Variants in ABHD2 observed in about 807,000 individuals in gnomAD.
ABHD2 encodes monoacylglycerol lipase ABHD2.
A neutral mutation model predicts 48.1 loss-of-function variants in ABHD2; 20 were observed. That is an observed-to-expected ratio of 0.42 (90% CI 0.29 to 0.60). ABHD2 has a LOEUF of 0.60. Ranked by LOEUF, ABHD2 falls within the 20% of genes least tolerant of loss-of-function variation. The probability of loss-of-function intolerance (pLI) is 0.24; values close to 1 mark genes in which losing one functional copy is unlikely to be tolerated. For synonymous variants in ABHD2, 209 were observed against 214.2 expected (o/e 0.98, Z 0.21); for missense variants, 405 against 550.9 (o/e 0.74, Z 2.65).
chr15:89,074,810 G>A, the ABHD2 span, among the ~76,000 whole-genome samples: 1 of 152,160 alleles, frequency 6.6e-6, no homozygotes, highest in East Asian at 1.9e-4. Context: ...ACTTCCACTA[G>A]CTCTTCCCTA....
the ABHD2 span, among the ~76,000 whole-genome samples, chr15:89,052,146 T>C: frequency 1.3e-5 from 2 of 152,180 alleles, no homozygotes; most frequent in African/African-American, 2.4e-5. Flanking sequence ...AGGTTACTCA[T>C]AGCATTACTT....
upstream of ABHD2, among the ~76,000 whole-genome samples, chr15:89,085,123 T>G (rs114529874): frequency 6.7e-3 from 1,018 of 152,304 alleles, 7 homozygotes; most frequent in East Asian, 0.049. The surrounding 1 kb of genome is among the most constrained non-coding windows in gnomAD (Gnocchi z 4.2). Context: ...CTCAGGTTAG[T>G]AAATCCTGCA....
chr15:89,183,579 A>G (rs981365914), intron 6 of ABHD2, among the ~76,000 whole-genome samples: 43 of 151,990 alleles, frequency 2.8e-4, no homozygotes, highest in African/African-American at 9.6e-4. Flanking sequence ...AAACAGTGGA[A>G]TACTGGTCCC....
chr15:89,093,380 A>T (rs927793358), intron 1 of ABHD2, among the ~76,000 whole-genome samples: 1 of 151,896 alleles, frequency 6.6e-6, no homozygotes, highest in African/African-American at 2.4e-5. Flanking sequence ...GGGTTTCACT[A>T]TGCTGGTCTC....
the ABHD2 span, among the ~76,000 whole-genome samples, chr15:89,043,157 C>A: frequency 6.6e-6 from 1 of 152,208 alleles, no homozygotes; most frequent in African/African-American, 2.4e-5. Context: ...ACCAACAGGG[C>A]TGTGGAGAAG....
intron 5 of ABHD2, among the ~76,000 whole-genome samples, chr15:89,157,383 A>G (rs1596127460): frequency 6.6e-6 from 1 of 152,256 alleles, no homozygotes; most frequent in East Asian, 1.9e-4. Context: ...AAGGGCAGGT[A>G]AGGGAAGGTC....
chr15:89,100,499 T>TGTACATCTACA lies in ABHD2; in HGVS notation c.-107+11938_-107+11948dup, dbSNP rs2049684332. Reference sequence around the variant, plus strand: ...AGTAGCCTCTCTACCCCACCACCAATGTACATCTACAGAAAGCATCTCAAT... The same window carrying TGTACATCTACA: ...AGTAGCCTCTCTACCCCACCACCAATGTACATCTACAGTACATCTACAGAAAGCATCTCAAT... On this transcript the variant is annotated intron_variant, in intron 1 of 10. Coordinates refer to ENST00000352732, the MANE Select transcript of ABHD2 (RefSeq NM_152924.5). The surrounding 1 kb of genome is among the most constrained non-coding windows in gnomAD (Gnocchi z 4.4). Among the ~76,000 whole-genome samples the TGTACATCTACA allele has an allele frequency of 6.6e-6, 1 of 152,122 alleles. No homozygotes were observed. The highest frequency in any genetic ancestry group is 1.5e-5 in the Non-Finnish European group (1 of 68,014).
chr15:89,156,115 C>CTTTTTTTTTTTTTTTTTTTTTTTTTT (rs1185978751), intron 5 of ABHD2, among the ~76,000 whole-genome samples: 1 of 85,660 alleles, frequency 1.2e-5, no homozygotes, highest in African/African-American at 4.7e-5. Flanking sequence ...TTTTTATTGT[C>CTTTTTTTTTTTTTTTTTTTTTTTTTT]TTTTTTTTTT....
chr15:89,064,473 C>G, the ABHD2 span, among the ~76,000 whole-genome samples: 3 of 151,974 alleles, frequency 2.0e-5, no homozygotes, highest in African/African-American at 7.2e-5. Context: ...TGTGATCCGC[C>G]CACCTCGGCC....
chr15:89,141,610 G>A (rs2050404136), intron 3 of ABHD2, among the ~76,000 whole-genome samples: 1 of 151,992 alleles, frequency 6.6e-6, no homozygotes, highest in African/African-American at 2.4e-5. Flanking sequence ...TCCAGCCTGG[G>A]CAACTCTGTC....
At position 89,179,458 on chromosome 15, in the gene ABHD2, G is replaced by T. The variant is rs577609062; in HGVS notation, c.722+3463G>T. ...GAACTGCGCATGTGAGGGATAGTTTGCATCTTCTTATGAGAATCTAATATC... is the reference window on the plus strand; with the variant it reads ...GAACTGCGCATGTGAGGGATAGTTTTCATCTTCTTATGAGAATCTAATATC... On this transcript the variant is annotated intron_variant, in intron 6 of 10. Coordinates refer to ENST00000352732, the MANE Select transcript of ABHD2 (RefSeq NM_152924.5). This position sits in a 1 kb window ranked among gnomAD's most constrained non-coding sequence, Gnocchi z 4.3. 3.8e-4 allele frequency among the ~76,000 whole-genome samples: 58 copies of T among 152,172 alleles called. No individual in the cohort carries two copies. Among genetic ancestry groups the T allele is most frequent in the Non-Finnish European group, 7.5e-4 (51 of 68,026 alleles).
the ABHD2 span, among the ~76,000 whole-genome samples, chr15:89,048,600 T>C: frequency 6.6e-6 from 1 of 152,096 alleles, no homozygotes; most frequent in Non-Finnish European, 1.5e-5. Flanking sequence ...CTCATTTCTT[T>C]TTATTCTTTT....
At chr15:89,141,337 A>G (rs766751202) in intron 3 of ABHD2, among the ~76,000 whole-genome samples, 4 of 152,112 alleles carry the variant, frequency 2.6e-5, no homozygotes, top group Non-Finnish European at 5.9e-5. Flanking sequence ...TGACCCCACT[A>G]TAAAAACAGA....
chr15:89,170,808 T>C (rs2050913265), intron 5 of ABHD2, among the ~76,000 whole-genome samples: 1 of 152,138 alleles, frequency 6.6e-6, no homozygotes. Flanking sequence ...AAGCATCTTT[T>C]CGAGCTGCAC....
intron 3 of ABHD2, among the ~76,000 whole-genome samples, chr15:89,134,177 A>G (rs1044081243): frequency 4.6e-5 from 7 of 152,036 alleles, no homozygotes; most frequent in Non-Finnish European, 1.0e-4. Flanking sequence ...AAATTTTTCA[A>G]TTGTTTCTTT....
intron 3 of ABHD2, among the ~76,000 whole-genome samples, chr15:89,147,414 C>T (rs1345695522): frequency 3.7e-5 from 5 of 136,782 alleles, no homozygotes; most frequent in South Asian, 2.3e-4. Flanking sequence ...AGTGCAGTGG[C>T]GCGATCTCTG....
the ABHD2 span, among the ~76,000 whole-genome samples, chr15:89,051,252 G>T: frequency 4.6e-5 from 7 of 152,252 alleles, no homozygotes; most frequent in African/African-American, 1.7e-4. Flanking sequence ...TAATAAGTAT[G>T]CTAGAAAGCA....
In ABHD2 at chr15:89,182,047, G is replaced by A. The variant is rs1171423205; in HGVS notation, c.723-3377G>A. Among the ~76,000 whole-genome samples, 1 of 152,154 alleles carries A rather than the reference G, an allele frequency of 6.6e-6. No homozygotes were observed. The highest frequency in any genetic ancestry group is 1.5e-5 in the Non-Finnish European group (1 of 68,028). Reference sequence around the variant, plus strand: ...AATGTTACATTGATTAGAAATGAAGGCATTTTCAGGGAATTCTATTTATGT... The same window carrying A: ...AATGTTACATTGATTAGAAATGAAGACATTTTCAGGGAATTCTATTTATGT... On this transcript the variant is annotated intron_variant, in intron 6 of 10. Coordinates refer to ENST00000352732, the MANE Select transcript of ABHD2 (RefSeq NM_152924.5). The surrounding 1 kb of genome is among the most constrained non-coding windows in gnomAD (Gnocchi z 4.8).
Position 89,201,660 on chromosome 15 carries a change from C to G in ABHD2, c.*6237C>G. ...AGGCACGGTAGTCTTCACTTTGAAA[C>G]ACACTTTTCTATCCGATGGATTTCG... On this transcript the variant is annotated 3_prime_UTR_variant, in exon 11 of 11. Coordinates refer to ENST00000352732, the MANE Select transcript of ABHD2 (RefSeq NM_152924.5). 1 of 1,607,650 alleles carries G rather than the reference C, an allele frequency of 6.2e-7. No individual in the cohort carries two copies. The highest frequency in any genetic ancestry group is 1.1e-5 in the South Asian group (1 of 90,962).
Sources: gnomAD v4.1 joint callset for allele counts (sites outside exome capture counted in the v4.1 genomes callset) on GRCh38, gnomAD v4.1.1 for gene constraint, Gnocchi (gnomAD v3.1) non-coding constraint, MANE v1.5 for transcripts, NCBI Gene and HGNC (gene_info 2026-07-23, HGNC 2026-07-21) for gene names.